Variants in N4BP1 observed in about 807,000 individuals in gnomAD.
N4BP1 encodes the protein NEDD4-binding protein 1.
In N4BP1, 21 loss-of-function variants were observed where a neutral mutation model predicts 70.9. The observed-to-expected ratio is 0.30, with a 90% confidence interval of 0.21 to 0.43. The LOEUF (loss-of-function observed/expected upper bound fraction) is 0.43. N4BP1 is among the 20% of genes least tolerant of loss of function. N4BP1 has a pLI of 1.00. For missense variants in N4BP1, 936 were observed against 1,069.4 expected (o/e 0.88, Z 1.74); for synonymous variants, 387 against 394.6 (o/e 0.98, Z 0.23).
At chr16:48,594,527 G>A (rs537509191) in intron 1 of N4BP1, among the ~76,000 whole-genome samples, 2 of 152,052 alleles carry the variant, frequency 1.3e-5, no homozygotes, top group South Asian at 4.2e-4. Flanking sequence ...GCTAATTTTT[G>A]TATTTTTTGG....
Position 48,609,870 on chromosome 16 carries a change from G to A in N4BP1, c.103C>T (p.Leu35=), listed in dbSNP as rs1462178652. 4.0e-6 allele frequency: 6 copies of A among 1,485,428 alleles called. No individual in the cohort carries two copies. The highest frequency in any genetic ancestry group is 5.4e-6 in the Non-Finnish European group (6 of 1,121,406). 92.0% of individuals were successfully genotyped at this position (1,485,428 alleles called of 1,614,324 possible). A position where few individuals can be genotyped will look rare whatever the true frequency, so the allele number is the denominator to read the frequency against. ...GCCCCTAGCGCGCCGAGCACGGCTA[G>A]GCTCACGCCAAACAGGCCCTCGATA... is the stretch of plus-strand genomic sequence containing the variant. The part of the protein sequence containing the change: ...GRIEGLFGVS[L]AVLGALGAEE... The change falls in exon 1 of 7, where the codon CTA becomes TTA. Residue 35 remains leucine (L), a synonymous_variant. Transcript: ENST00000262384.
Position 48,572,925 on chromosome 16 carries a change from G to GT in N4BP1, c.199-10482dup, listed in dbSNP as rs1361645222. Among the ~76,000 whole-genome samples the GT allele has an allele frequency of 2.0e-5, 3 of 151,948 alleles. No homozygotes were observed. The South Asian group carries it at 6.2e-4, about 32-fold the overall frequency. On this transcript the variant is annotated intron_variant, in intron 1 of 6. Transcript: ENST00000262384. The stretch of plus-strand genomic sequence containing the variant: ...GTGGGAGAATCACTTGAGCTCAGGA[G>GT]TTTGAGGCCAGCCTGGGCAATACAA...
At chr16:48,573,141 GA>G (rs1483560883) in intron 1 of N4BP1, among the ~76,000 whole-genome samples, 2 of 151,124 alleles carry the variant, frequency 1.3e-5, no homozygotes, top group African/African-American at 4.9e-5. Flanking sequence ...GAAAATTCAG[GA>G]AAAAATTAAA....
Position 48,562,018 on chromosome 16 carries a change from C to T in N4BP1, c.625G>A (p.Asp209Asn). Residue 209 changes from aspartate (D) to asparagine (N), a missense_variant, in exon 2 of 7, where the codon GAT (aspartate) becomes AAT (asparagine). Asp to Asn is a conservative substitution (Grantham distance 23). This residue lies in a region of N4BP1 where 515 missense variants were observed against 491.7 expected (regional missense o/e 1.05). Coordinates refer to ENST00000262384, the MANE Select transcript of N4BP1 (RefSeq NM_153029.4). Reference sequence around the variant, plus strand: ...TGTGTAAACTCTGTTTGTTGAGAATCTCTCATTTCAATAACCTCATCATCT... The same window carrying T: ...TGTGTAAACTCTGTTTGTTGAGAATTTCTCATTTCAATAACCTCATCATCT... ...TGDDEVIEMR[D>N]SQQTEFTQNA... is the part of the protein sequence containing the mutation. The T allele has an allele frequency of 6.2e-7, 1 of 1,613,858 alleles. No individual in the cohort carries two copies. The highest frequency in any genetic ancestry group is 8.5e-7 in the Non-Finnish European group (1 of 1,179,872).
intron 1 of N4BP1, among the ~76,000 whole-genome samples, chr16:48,601,412 T>G (rs940136057): frequency 3.3e-5 from 5 of 152,186 alleles, no homozygotes; most frequent in African/African-American, 9.7e-5. Context: ...CTCCTGTTTT[T>G]GGAAAGTAGA....
rs945476697 is a variant in N4BP1 at position 48,542,087 on chromosome 16, G to A, written c.*817C>T. 6.6e-6 allele frequency: 1 copy of A among 152,494 alleles called. No homozygotes were observed. The highest frequency in any genetic ancestry group is 1.5e-5 in the Non-Finnish European group (1 of 68,070). 9.4% of individuals were successfully genotyped at this position (152,494 alleles called of 1,614,324 possible). ...ACTTCCAGAGCCAGGCCAGGCATGT[G>A]GAGGCCCCTGACTGTGGGCGTGTCA... On this transcript the variant is annotated 3_prime_UTR_variant, in exon 7 of 7. Coordinates refer to ENST00000262384, the MANE Select transcript of N4BP1 (RefSeq NM_153029.4).
At chr16:48,545,894 G>C (rs368160526) in intron 6 of N4BP1, among the ~76,000 whole-genome samples, 3 of 151,974 alleles carry the variant, frequency 2.0e-5, no homozygotes, top group East Asian at 1.9e-4. Flanking sequence ...GGGCATGGTG[G>C]TATGCGCCTG....
chr16:48,575,593 G>T (rs1041792796), intron 1 of N4BP1, among the ~76,000 whole-genome samples: 1 of 152,120 alleles, frequency 6.6e-6, no homozygotes, highest in Non-Finnish European at 1.5e-5. Flanking sequence ...TTGACCTGGG[G>T]AAATGTTTCT....
At chr16:48,578,432 G>A (rs1326384541) in intron 1 of N4BP1, 1 of 152,264 alleles carries the variant, frequency 6.6e-6, no homozygotes, top group East Asian at 1.9e-4. Context: ...ACTACTCCCT[G>A]AGCACTTCCG....
At chr16:48,545,591 T>A (rs928973765) in intron 6 of N4BP1, among the ~76,000 whole-genome samples, 1 of 150,492 alleles carries the variant, frequency 6.6e-6, no homozygotes, top group Admixed American at 6.6e-5. Flanking sequence ...AAAAAATAAA[T>A]CAATAAAAAT....
intron 1 of N4BP1, among the ~76,000 whole-genome samples, chr16:48,580,901 T>C (rs554757426): frequency 6.6e-6 from 1 of 152,256 alleles, no homozygotes; most frequent in Non-Finnish European, 1.5e-5. Context: ...CTCAAGATGA[T>C]TTAAGTATAC....
intron 2 of N4BP1, among the ~76,000 whole-genome samples, chr16:48,557,106 G>A (rs907729919): frequency 2.0e-5 from 3 of 152,144 alleles, no homozygotes; most frequent in African/African-American, 4.8e-5. Flanking sequence ...TTTCATGGTG[G>A]TATGGGCTGC....
intron 1 of N4BP1, among the ~76,000 whole-genome samples, chr16:48,571,540 G>C (rs1964020602): frequency 6.6e-6 from 1 of 151,958 alleles, no homozygotes; most frequent in Non-Finnish European, 1.5e-5. Context: ...GGTCACAAAA[G>C]AAAACCTTCA....
intron 6 of N4BP1, among the ~76,000 whole-genome samples, chr16:48,545,065 A>C (rs896269421): frequency 6.6e-6 from 1 of 152,020 alleles, no homozygotes; most frequent in East Asian, 2.0e-4. Flanking sequence ...CCCAGGTTCA[A>C]GTGATTCTCC....
chr16:48,593,628 A>G (rs1443397917), intron 1 of N4BP1, among the ~76,000 whole-genome samples: 1 of 152,252 alleles, frequency 6.6e-6, no homozygotes, highest in Non-Finnish European at 1.5e-5. Context: ...TTAACAAAAA[A>G]AATATTGTAA....
rs761492532 is a variant in N4BP1, at chr16:48,561,400, A to G, written c.1243T>C (p.Tyr415His). ...GTTGTAAGCTCATTTGTGCTGCTAT[A>G]AACACCTTTATTTTTGGTTTTGTTG... is the stretch of plus-strand genomic sequence containing the variant. ...ETNKTKNKGV[Y>H]SSTNELTTDS... is the part of the protein sequence containing the mutation. Residue 415 changes from tyrosine (Y) to histidine (H), a missense_variant, in exon 2 of 7, where the codon TAT (tyrosine) becomes CAT (histidine). By Grantham distance (83) the Tyr-to-His change is moderately conservative. This residue lies in a region of N4BP1 where 515 missense variants were observed against 491.7 expected (regional missense o/e 1.05). Transcript: ENST00000262384. 5.6e-6 allele frequency: 9 copies of G among 1,613,910 alleles called. No individual in the cohort carries two copies. The highest frequency in any genetic ancestry group is 7.6e-6 in the Non-Finnish European group (9 of 1,179,868).
intron 2 of N4BP1, chr16:48,559,779 A>C (rs948605437): frequency 1.3e-5 from 2 of 152,238 alleles, no homozygotes; most frequent in African/African-American, 2.4e-5. Context: ...TGCTGGGTGA[A>C]GCTCTCTGAA....
At chr16:48,578,614 C>T (rs537049831) in intron 1 of N4BP1, among the ~76,000 whole-genome samples, 24 of 152,328 alleles carry the variant, frequency 1.6e-4, no homozygotes, top group Non-Finnish European at 3.2e-4. Flanking sequence ...CCACACTCCA[C>T]TCCTCTGTTA....
Position 48,539,849 on chromosome 16 carries a change from G to T in N4BP1, c.*3055C>A, listed in dbSNP as rs1006005072. ...AGTGAGGGAAGTGGTGGGAAGCAGG[G>T]AAAGTCCGGTCAAGCCATGTGCACC... On this transcript the variant is annotated 3_prime_UTR_variant, in exon 7 of 7. Transcript: ENST00000262384. The T allele has an allele frequency of 6.6e-6, 1 of 152,582 alleles. No individual in the cohort carries two copies. Among genetic ancestry groups the T allele is most frequent in the Admixed American group, 6.5e-5 (1 of 15,290 alleles). The allele number at this position is 152,582 out of a possible 1,614,324, so 9.5% of individuals were successfully genotyped here. A position where few individuals can be genotyped will look rare whatever the true frequency, so the allele number is the denominator to read the frequency against.
Sources: gnomAD v4.1 joint callset for allele counts (sites outside exome capture counted in the v4.1 genomes callset) on GRCh38, gnomAD v4.1.1 for gene constraint, gnomAD v4.1.1 regional missense constraint, MANE v1.5 for transcripts, NCBI Gene and HGNC (gene_info 2026-07-23, HGNC 2026-07-21) for gene names.